The following CCDC172 variants were observed in gnomAD, a reference collection of about 807,000 sequenced individuals.
CCDC172 encodes the protein coiled-coil domain-containing protein 172.
A neutral mutation model predicts 38.0 loss-of-function variants in CCDC172; 30 were observed. That is an observed-to-expected ratio of 0.79 (90% CI 0.59 to 1.07). CCDC172 has a LOEUF of 1.07. CCDC172 is among the 50% of genes least tolerant of loss of function. CCDC172 has a pLI of 0.00. For missense variants in CCDC172, 297 were observed against 290.1 expected (o/e 1.02, Z -0.17); for synonymous variants, 78 against 88.3 (o/e 0.88, Z 0.66).
intron 5 of CCDC172, among the ~76,000 whole-genome samples, chr10:116,355,961 T>A (rs908279777): frequency 6.6e-6 from 1 of 152,134 alleles, no homozygotes; most frequent in Non-Finnish European, 1.5e-5. Context: ...TTTAAAAGGA[T>A]GAATTATGTG....
chr10:116,347,527 GT>G (rs1844882129), intron 5 of CCDC172, among the ~76,000 whole-genome samples: 4 of 152,168 alleles, frequency 2.6e-5, no homozygotes, highest in Admixed American at 2.6e-4. Context: ...GCATATGATT[GT>G]TTTTAAAAAG....
At chr10:116,333,684 G>C (rs376026925) in intron 3 of CCDC172, among the ~76,000 whole-genome samples, 18 of 152,258 alleles carry the variant, frequency 1.2e-4, no homozygotes, top group African/African-American at 4.1e-4. Context: ...GTTCTTGACC[G>C]GTCAGTATTT....
At chr10:116,344,799 T>A (rs1844844693) in intron 5 of CCDC172, among the ~76,000 whole-genome samples, 1 of 151,924 alleles carries the variant, frequency 6.6e-6, no homozygotes, top group South Asian at 2.1e-4. Flanking sequence ...TACAAAAAAT[T>A]TTTTTCTTTG....
chr10:116,367,095 AT>A (rs1478951003), intron 7 of CCDC172, among the ~76,000 whole-genome samples: 1 of 152,058 alleles, frequency 6.6e-6, no homozygotes, highest in East Asian at 1.9e-4. Flanking sequence ...ATCTTCTCCA[AT>A]TTTATGGGGT....
intron 3 of CCDC172, among the ~76,000 whole-genome samples, chr10:116,329,785 T>C (rs2134902533): frequency 6.6e-6 from 1 of 152,324 alleles, no homozygotes; most frequent in South Asian, 2.1e-4. Flanking sequence ...ACTGTACTAG[T>C]AGTCATCTCG....
At chr10:116,341,638 G>A (rs753386809) in intron 4 of CCDC172, among the ~76,000 whole-genome samples, 18 of 151,826 alleles carry the variant, frequency 1.2e-4, no homozygotes, top group Non-Finnish European at 1.9e-4. Context: ...TTGTTTTCCT[G>A]TAAGGCAGTA....
At chr10:116,373,686 C>G (rs7089371) in intron 7 of CCDC172, among the ~76,000 whole-genome samples, 34,345 of 151,766 alleles carry the variant, frequency 0.23, 5,796 homozygotes, top group African/African-American at 0.44. Context: ...TGTATTTTTA[C>G]TAGAGACGGG....
chr10:116,349,753 A>G (rs1844908928), intron 5 of CCDC172, among the ~76,000 whole-genome samples: 1 of 152,174 alleles, frequency 6.6e-6, no homozygotes, highest in Non-Finnish European at 1.5e-5. Flanking sequence ...GACCAAGAAA[A>G]GAAGAAAAAA....
Position 116,344,289 on chromosome 10 carries a change from A to T in CCDC172, c.448+2088A>T, listed in dbSNP as rs188554261. Among the ~76,000 whole-genome samples, 358 of 152,322 alleles carry T rather than the reference A, an allele frequency of 2.4e-3. 1 individual carries two copies. Among genetic ancestry groups the T allele is most frequent in the Non-Finnish European group, 4.5e-3 (306 of 68,020 alleles). ...CGTGTGAACATCATAGATTGTACTT[A>T]CACAAACCTGGATGGGATAACCTAT... On this transcript the variant is annotated intron_variant, in intron 5 of 8. Transcript: ENST00000333254.
chr10:116,355,985 G>A (rs1362755043), intron 5 of CCDC172, among the ~76,000 whole-genome samples: 1 of 152,146 alleles, frequency 6.6e-6, no homozygotes, highest in Non-Finnish European at 1.5e-5. Context: ...TGTGAATTAT[G>A]TATCAATAAA....
chr10:116,378,433 G>C lies in CCDC172; in HGVS notation c.664G>C (p.Glu222Gln), dbSNP rs769448112. Reference sequence around the variant, plus strand: ...TTTCTTTTAAAATAGACTTAAAAAAGAATTAGAACTTTATAAGGAAGATGA... The same window carrying C: ...TTTCTTTTAAAATAGACTTAAAAAACAATTAGAACTTTATAAGGAAGATGA... ...NDTECLRLKK[E>Q]LELYKEDDME... Residue 222 changes from glutamate to glutamine, a missense_variant, in exon 8 of 9, where the codon GAA becomes CAA. Coordinates refer to ENST00000333254, the MANE Select transcript of CCDC172 (RefSeq NM_198515.3). 6.3e-7 allele frequency: 1 copy of C among 1,592,352 alleles called. No individual in the cohort carries two copies. Among genetic ancestry groups the C allele is most frequent in the Non-Finnish European group, 8.5e-7 (1 of 1,171,874 alleles).
chr10:116,354,527 C>A (rs1394092323), intron 5 of CCDC172, among the ~76,000 whole-genome samples: 5 of 151,760 alleles, frequency 3.3e-5, no homozygotes, highest in Non-Finnish European at 7.4e-5. Context: ...AGTTTGAGAC[C>A]AGCCTGGGCA....
chr10:116,340,602 C>A, intron 3 of CCDC172, 132 bp from the exon 4 acceptor site: 3 of 543,566 alleles, frequency 5.5e-6, no homozygotes, highest in East Asian at 6.4e-5. Context: ...ATGTTTGATG[C>A]TAATTTTATT....
At chr10:116,355,811 G>A (rs1455267034) in intron 5 of CCDC172, among the ~76,000 whole-genome samples, 5 of 152,096 alleles carry the variant, frequency 3.3e-5, no homozygotes, top group Non-Finnish European at 5.9e-5. Context: ...GCCTAGGGCT[G>A]GCAGAGTTAG....
intron 7 of CCDC172, among the ~76,000 whole-genome samples, chr10:116,374,660 C>T (rs1009582758): frequency 6.6e-6 from 1 of 151,184 alleles, no homozygotes; most frequent in South Asian, 2.1e-4. Context: ...TTTAAAAAGT[C>T]CAAAAGCAGG....
intron 5 of CCDC172, among the ~76,000 whole-genome samples, chr10:116,346,752 T>C (rs567593309): frequency 8.5e-5 from 13 of 152,338 alleles, no homozygotes; most frequent in African/African-American, 2.9e-4. Context: ...AGATTTGTTT[T>C]CAGAGTACCT....
intron 3 of CCDC172, among the ~76,000 whole-genome samples, chr10:116,332,044 G>A (rs1844670055): frequency 6.6e-6 from 1 of 152,026 alleles, no homozygotes; most frequent in African/African-American, 2.4e-5. Flanking sequence ...TCAATTCCTG[G>A]CAGTACAATG....
At chr10:116,347,542 A>G (rs1019445235) in intron 5 of CCDC172, among the ~76,000 whole-genome samples, 43 of 152,078 alleles carry the variant, frequency 2.8e-4, no homozygotes, top group African/African-American at 7.2e-4. Context: ...TAAAAAGGCG[A>G]TGTAGAGGGA....
chr10:116,345,292 A>C (rs1012330516), intron 5 of CCDC172, among the ~76,000 whole-genome samples: 2 of 152,218 alleles, frequency 1.3e-5, no homozygotes, highest in Admixed American at 1.3e-4. Flanking sequence ...TTGGACATCC[A>C]TTGCAAAACA....
Sources: allele counts gnomAD v4.1 joint callset (sites outside exome capture counted in the v4.1 genomes callset), GRCh38; gene constraint gnomAD v4.1.1; transcripts MANE v1.5; gene names NCBI Gene and HGNC (gene_info 2026-07-23, HGNC 2026-07-21).